Variants in ARID5B observed in about 807,000 individuals in gnomAD.
The protein encoded by ARID5B is AT-rich interaction domain 5B.
ARID5B carries 13 observed loss-of-function variants against 97.2 expected under a neutral mutation model. The observed-to-expected ratio is 0.13, with a 90% CI of 0.09 to 0.21. ARID5B has a LOEUF of 0.21. Among genes scored for constraint, ARID5B ranks in the 10% least tolerant of loss-of-function variants. The probability of loss-of-function intolerance (pLI) is 1.00; values close to 1 mark genes in which losing one functional copy is unlikely to be tolerated. For synonymous variants in ARID5B, 556 were observed against 570.3 expected, an observed-to-expected ratio of 0.97 and a Z score of 0.36; for missense variants, 1,210 against 1,465.3, an observed-to-expected ratio of 0.83 and a Z score of 2.84.
At chr10:61,903,837 C>A (rs1420272802) in intron 2 of ARID5B, among the ~76,000 whole-genome samples, 1 of 151,920 alleles carries the variant, frequency 6.6e-6, no homozygotes, top group Non-Finnish European at 1.5e-5. Flanking sequence ...TCGAAACGTT[C>A]GCCCTCGAAT....
chr10:61,916,594 A>G (rs72833345), intron 2 of ARID5B, among the ~76,000 whole-genome samples: 2,618 of 152,302 alleles, frequency 0.017, 40 homozygotes, highest in Non-Finnish European at 0.026. Context: ...TTGAAAGGTT[A>G]GGTAACTTGT....
intron 8 of ARID5B, among the ~76,000 whole-genome samples, chr10:62,071,378 C>A (rs1054956608): frequency 1.3e-5 from 2 of 152,144 alleles, no homozygotes; most frequent in Non-Finnish European, 2.9e-5. Context: ...CAAATAGATT[C>A]TGTTTTGAGA....
chr10:62,024,995 T>C (rs1453520245), intron 4 of ARID5B: 4 of 224,558 alleles, frequency 1.8e-5, no homozygotes, highest in African/African-American at 8.9e-5. Flanking sequence ...TAATTCGTTT[T>C]CGTAGAACAT....
At chr10:61,970,527 T>C (rs1838611378) in intron 3 of ARID5B, among the ~76,000 whole-genome samples, 4 of 152,200 alleles carry the variant, frequency 2.6e-5, no homozygotes, top group African/African-American at 9.6e-5. Flanking sequence ...TGCCTGAGAA[T>C]TTACATTGAA....
At chr10:61,968,201 C>T (rs1400003878) in intron 3 of ARID5B, among the ~76,000 whole-genome samples, 1 of 149,126 alleles carries the variant, frequency 6.7e-6, no homozygotes, top group African/African-American at 2.5e-5. Context: ...CACACACACA[C>T]ACACACACAC....
rs202018538 is a variant in ARID5B, at chr10:62,092,682, C to G, written c.3219C>G (p.Leu1073=). The stretch of plus-strand genomic sequence containing the variant: ...GATCAGAAGGCCACAAGCTTCCCCT[C>G]TCCTCCCCTATCTTCCCAGGTCTGT... ...GGGSEGHKLP[L]SSPIFPGLYS... Residue 1073 remains leucine, a synonymous_variant, in exon 10 of 10, where the codon CTC becomes CTG. Coordinates refer to ENST00000279873, the MANE Select transcript of ARID5B (RefSeq NM_032199.3). The G allele has an allele frequency of 9.8e-5, 158 of 1,613,900 alleles. No homozygotes were observed. In the East Asian group the frequency reaches 3.5e-3, roughly 35 times the overall value.
chr10:62,082,446 A>T (rs113089009), intron 8 of ARID5B, among the ~76,000 whole-genome samples: 1 of 152,210 alleles, frequency 6.6e-6, no homozygotes. Context: ...GTTGCAGTCC[A>T]TTGAAAATAT....
intron 3 of ARID5B, among the ~76,000 whole-genome samples, chr10:61,963,546 C>T (rs1460268524): frequency 1.3e-5 from 2 of 151,996 alleles, no homozygotes; most frequent in African/African-American, 2.4e-5. Flanking sequence ...ATTGAAGATC[C>T]AGATGGACAG....
Position 62,093,041 on chromosome 10 carries a change from G to T in ARID5B, c.*11G>T, listed in dbSNP as rs1263877655. On this transcript the variant is annotated 3_prime_UTR_variant, in exon 10 of 10. Coordinates refer to ENST00000279873, the MANE Select transcript of ARID5B (RefSeq NM_032199.3). ...AGTACAAAACTGTAGGCTCAGCTCT[G>T]CCCAGCAGTCCAAAGCGGCATGGCC... 2 of 1,594,784 alleles carry T rather than the reference G, an allele frequency of 1.3e-6. No individual in the cohort carries two copies. Among genetic ancestry groups the T allele is most frequent in the East Asian group, 4.5e-5 (2 of 44,838 alleles).
chr10:62,077,364 G>C (rs1213340027), intron 8 of ARID5B, among the ~76,000 whole-genome samples: 1 of 152,056 alleles, frequency 6.6e-6, no homozygotes, highest in Non-Finnish European at 1.5e-5. Flanking sequence ...AACAGCCTTT[G>C]AAAAAAATCT....
intron 3 of ARID5B, among the ~76,000 whole-genome samples, chr10:61,991,041 T>TATACACACACACACACACACAC (rs1554842858): frequency 5.2e-4 from 76 of 145,154 alleles, no homozygotes; most frequent in African/African-American, 1.2e-3. Context: ...ATTTATCCTG[T>TATACACACACACACACACACAC]ACACACACAC....
intron 7 of ARID5B, among the ~76,000 whole-genome samples, chr10:62,066,471 G>A (rs4529849): frequency 0.016 from 2,400 of 152,208 alleles, 60 homozygotes; most frequent in African/African-American, 0.054. Context: ...GTAAATAGAG[G>A]AACCACTTCC....
chr10:62,083,876 A>AGAAT (rs1840248484), intron 8 of ARID5B, among the ~76,000 whole-genome samples: 1 of 152,260 alleles, frequency 6.6e-6, no homozygotes, highest in Non-Finnish European at 1.5e-5. Flanking sequence ...GGGACTTTAC[A>AGAAT]GATGAGACAG....
At chr10:61,945,252 A>G (rs1385803166) in intron 3 of ARID5B, among the ~76,000 whole-genome samples, 1 of 152,100 alleles carries the variant, frequency 6.6e-6, no homozygotes, top group Non-Finnish European at 1.5e-5. Context: ...CTTAAATTTT[A>G]TGTGTATATA....
chr10:62,068,316 G>T (rs574710980), intron 7 of ARID5B, among the ~76,000 whole-genome samples: 1 of 152,174 alleles, frequency 6.6e-6, no homozygotes, highest in Non-Finnish European at 1.5e-5. Context: ...TATTGAAACC[G>T]ATTGGTGCAA....
chr10:62,077,102 C>T (rs1035252993), intron 8 of ARID5B, among the ~76,000 whole-genome samples: 3 of 152,190 alleles, frequency 2.0e-5, no homozygotes, highest in East Asian at 1.9e-4. Flanking sequence ...TCTTACAGGG[C>T]TCTGAGTCAG....
intron 7 of ARID5B, among the ~76,000 whole-genome samples, chr10:62,064,633 A>G (rs139685093): frequency 3.9e-5 from 6 of 152,050 alleles, no homozygotes; most frequent in East Asian, 3.9e-4. Context: ...AAAACTGTGG[A>G]AGGGACAGAT....
chr10:61,959,026 G>A (rs1838433303), intron 3 of ARID5B, among the ~76,000 whole-genome samples: 1 of 152,194 alleles, frequency 6.6e-6, no homozygotes, highest in African/African-American at 2.4e-5. Flanking sequence ...TTGAAGCTCA[G>A]AATGTTAATA....
chr10:62,018,569 G>A (rs958398248), intron 4 of ARID5B, among the ~76,000 whole-genome samples: 10 of 150,860 alleles, frequency 6.6e-5, no homozygotes, highest in East Asian at 3.9e-4. Context: ...GGCATGAGAC[G>A]CGTTCCTGAC....
Sources: gnomAD v4.1 joint callset for allele counts (sites outside exome capture counted in the v4.1 genomes callset) on GRCh38, gnomAD v4.1.1 for gene constraint, MANE v1.5 for transcripts, NCBI Gene and HGNC (gene_info 2026-07-23, HGNC 2026-07-21) for gene names.